Variants in MAPK10 observed in about 807,000 individuals in gnomAD.
MAPK10 encodes JNK3 alpha protein kinase.
In MAPK10, 25 loss-of-function variants were observed where a neutral mutation model predicts 59.3. That is an observed-to-expected ratio of 0.42 (90% CI 0.31 to 0.59). MAPK10 has a LOEUF of 0.59. MAPK10 is among the 20% of genes least tolerant of loss of function. The pLI is 0.15. For synonymous variants in MAPK10, 190 were observed against 200.5 expected, an observed-to-expected ratio of 0.95 and a Z score of 0.44; for missense variants, 351 against 568.9, an observed-to-expected ratio of 0.62 and a Z score of 3.90.
chr4:86,152,233 C>G (rs2066656888), intron 4 of MAPK10: 1 of 151,900 alleles, frequency 6.6e-6, no homozygotes, highest in Non-Finnish European at 1.5e-5. Flanking sequence ...TATTAATGGA[C>G]ATATTAAAAT....
intron 4 of MAPK10, among the ~76,000 whole-genome samples, chr4:86,147,212 G>A (rs902280963): frequency 2.6e-5 from 4 of 151,968 alleles, no homozygotes; most frequent in Admixed American, 1.3e-4. Context: ...TCAGCCGCAG[G>A]AGTCGCTGAC....
At chr4:86,090,169 CTTG>C (rs1359798577) in intron 9 of MAPK10, 1 of 151,260 alleles carries the variant, frequency 6.6e-6, no homozygotes, top group Non-Finnish European at 1.5e-5. Context: ...TGGTTACTCA[CTTG>C]TTGTACTTAA....
chr4:86,073,881 G>A (rs2048608413), intron 9 of MAPK10, among the ~76,000 whole-genome samples: 1 of 116,336 alleles, frequency 8.6e-6, no homozygotes, highest in South Asian at 2.8e-4. Flanking sequence ...TTGATTTGGG[G>A]TGGTGAGTTC....
chr4:86,305,427 A>G (rs1442936786), intron 2 of MAPK10, among the ~76,000 whole-genome samples: 2 of 152,240 alleles, frequency 1.3e-5, no homozygotes, highest in Non-Finnish European at 2.9e-5. Context: ...AATGATAGTC[A>G]TGTACTAGAA....
At chr4:86,550,388 A>AAAAAAAAAAAAC (rs1759672683) in intron 1 of MAPK10, among the ~76,000 whole-genome samples, 1 of 71,382 alleles carries the variant, frequency 1.4e-5, no homozygotes, top group Non-Finnish European at 3.3e-5. Context: ...AAAAAAAAAA[A>AAAAAAAAAAAAC]AAAAAAAAAA....
At chr4:86,025,563 T>G (rs66502717) in intron 13 of MAPK10, 3 of 398,124 alleles carry the variant, frequency 7.5e-6, no homozygotes, top group Non-Finnish European at 1.3e-5. Context: ...GTGAGAAATA[T>G]CTCTTCTTTC....
intron 4 of MAPK10, among the ~76,000 whole-genome samples, chr4:86,113,730 T>C (rs1333647620): frequency 6.6e-6 from 1 of 152,142 alleles, no homozygotes; most frequent in Non-Finnish European, 1.5e-5. Context: ...CCGGGGTTCT[T>C]TGGATTTCCT....
chr4:86,111,581 T>C (rs112488725), intron 4 of MAPK10, among the ~76,000 whole-genome samples: 31 of 152,242 alleles, frequency 2.0e-4, no homozygotes, highest in African/African-American at 7.0e-4. Context: ...TGAAGCAAAC[T>C]TGATTATGGT....
rs201334087 is a variant in MAPK10 at position 86,218,576 on chromosome 4, A to AAAC, written c.-6-24170_-6-24169insGTT. On this transcript the variant is annotated intron_variant, in intron 2 of 13. Transcript: ENST00000641462. ...TAATAATAAGACTTAAGCAAAAAAA[A>AAAC]AAAAAAAAAAACACTTTGGGCAATT... Among the ~76,000 whole-genome samples the AAAC allele has an allele frequency of 4.6e-5, 7 of 152,074 alleles. No individual in the cohort carries two copies. The East Asian group carries it at 1.4e-3, about 29-fold the overall frequency.
At chr4:86,412,833 C>T (rs776067824) in intron 1 of MAPK10, among the ~76,000 whole-genome samples, 1 of 152,114 alleles carries the variant, frequency 6.6e-6, no homozygotes, top group Admixed American at 6.6e-5. Flanking sequence ...AGCTTCCTTG[C>T]GATGGGTTAG....
intron 2 of MAPK10, among the ~76,000 whole-genome samples, chr4:86,195,049 A>T: frequency 6.6e-6 from 1 of 152,156 alleles, no homozygotes; most frequent in Non-Finnish European, 1.5e-5. Flanking sequence ...CATAAGTTTA[A>T]TCTTGGTGGG....
At chr4:86,431,646 G>C (rs1382020296) in intron 1 of MAPK10, among the ~76,000 whole-genome samples, 2 of 152,204 alleles carry the variant, frequency 1.3e-5, no homozygotes, top group East Asian at 3.9e-4. Flanking sequence ...CATTCTGACA[G>C]GCTGGTCAGC....
At chr4:86,046,352 G>A (rs1328739944) in intron 11 of MAPK10, among the ~76,000 whole-genome samples, 1 of 151,694 alleles carries the variant, frequency 6.6e-6, no homozygotes, top group Non-Finnish European at 1.5e-5. Context: ...TTGAATAGGA[G>A]TGGTGAGAGA....
chr4:86,103,112 T>TGTGTGC, intron 6 of MAPK10, 74 bp downstream of exon 6: 1 of 813,612 alleles, frequency 1.2e-6, no homozygotes, highest in East Asian at 2.5e-5. Flanking sequence ...TGTGTGTGTG[T>TGTGTGC]GTGTGGTGTG....
Position 86,085,419 on chromosome 4 carries a change from G to A in MAPK10, c.802+13105C>T, listed in dbSNP as rs558056431. Among the ~76,000 whole-genome samples the A allele has an allele frequency of 7.9e-5, 12 of 152,104 alleles. No individual in the cohort carries two copies. In the South Asian group the frequency reaches 1.7e-3, roughly 21 times the overall value. On this transcript the variant is annotated intron_variant, in intron 9 of 13. Coordinates refer to ENST00000641462, the MANE Select transcript of MAPK10 (RefSeq NM_138982.4). Reference sequence around the variant, plus strand: ...CTATAGGAAAAAAATCTAATAATCCGATTAAAAATGGGCAAAAGATTTAAA... The same window carrying A: ...CTATAGGAAAAAAATCTAATAATCCAATTAAAAATGGGCAAAAGATTTAAA...
chr4:86,074,881 C>G (rs1389578453), intron 9 of MAPK10, among the ~76,000 whole-genome samples: 1 of 126,132 alleles, frequency 7.9e-6, no homozygotes, highest in African/African-American at 3.3e-5. Context: ...CTTGGAGTTG[C>G]TCTTCTCGAG....
At chr4:86,432,225 CCATT>C (rs1748135927) in intron 1 of MAPK10, among the ~76,000 whole-genome samples, 1 of 151,906 alleles carries the variant, frequency 6.6e-6, no homozygotes, top group South Asian at 2.1e-4. Context: ...AAGAAGAGGC[CCATT>C]CAGTCAGTTG....
At chr4:86,471,778 C>G (rs1392715906) in intron 1 of MAPK10, among the ~76,000 whole-genome samples, 1 of 151,628 alleles carries the variant, frequency 6.6e-6, no homozygotes, top group Non-Finnish European at 1.5e-5. Context: ...CTATGTTTTC[C>G]TTTTTTTTCA....
chr4:86,475,798 C>A (rs1200462047), intron 1 of MAPK10, among the ~76,000 whole-genome samples: 1 of 152,036 alleles, frequency 6.6e-6, no homozygotes, highest in Non-Finnish European at 1.5e-5. Context: ...TCTCTACTCT[C>A]TCTTTTCTCT....
Sources: gnomAD v4.1 joint callset for allele counts (sites outside exome capture counted in the v4.1 genomes callset) on GRCh38, gnomAD v4.1.1 for gene constraint, MANE v1.5 for transcripts, NCBI Gene and HGNC (gene_info 2026-07-23, HGNC 2026-07-21) for gene names.